The following HAS3 variants were observed in gnomAD, a reference collection of about 807,000 sequenced individuals.
HAS3 encodes hyaluronan synthase 3.
In HAS3, 27 loss-of-function variants were observed where a neutral mutation model predicts 50.3. The ratio of observed to expected loss-of-function variants is 0.54; its 90% CI spans 0.40 to 0.74. The LOEUF (loss-of-function observed/expected upper bound fraction) is 0.74, where lower values mean the gene tolerates loss of function less well. Ranked by LOEUF, HAS3 falls within the 30% of genes least tolerant of loss-of-function variation. The pLI is 0.00. For synonymous variants in HAS3, 339 were observed against 310.9 expected (o/e 1.09, Z -0.95); for missense variants, 517 against 742.8 (o/e 0.70, Z 3.53).
chr16:69,084,316 G>T, the HAS3 span: 1 of 152,342 alleles, frequency 6.6e-6, no homozygotes, highest in African/African-American at 2.4e-5. Flanking sequence ...GACTCTTCCA[G>T]AGAAGAAGGG....
upstream of HAS3, among the ~76,000 whole-genome samples, chr16:69,104,336 G>A (rs183885228): frequency 9.8e-5 from 14 of 142,442 alleles, no homozygotes; most frequent in Admixed American, 9.7e-4. Context: ...TCACTCTGTC[G>A]CCCAGGCTGG....
the HAS3 span, among the ~76,000 whole-genome samples, chr16:69,097,159 A>G: frequency 1.3e-5 from 2 of 151,632 alleles, no homozygotes; most frequent in Non-Finnish European, 2.9e-5. Flanking sequence ...AAAAAAAAAG[A>G]ATTATGGTTG....
rs887060451 is a variant in HAS3, at chr16:69,116,850, G to A, written c.*1584G>A. 5 of 985,418 alleles carry A rather than the reference G, an allele frequency of 5.1e-6. No individual in the cohort carries two copies. Among genetic ancestry groups the A allele is most frequent in the Non-Finnish European group, 6.0e-6 (5 of 829,950 alleles). The allele number at this position is 985,418 out of a possible 1,614,324, so 61.0% of individuals were successfully genotyped here. A position where few individuals can be genotyped will look rare whatever the true frequency, so the allele number is the denominator to read the frequency against. The stretch of plus-strand genomic sequence containing the variant: ...CCCTCCAAATGTCCTTTCTCAGAGG[G>A]GCCAGCTAACCCGTGCAGAACCAGC... On this transcript the variant is annotated 3_prime_UTR_variant, in exon 4 of 4. Transcript: ENST00000569188.
downstream of HAS3, chr16:69,118,121 T>TCCCCCCCCCC: frequency 4.3e-6 from 2 of 462,570 alleles, no homozygotes; most frequent in Non-Finnish European, 3.9e-6. Context: ...CTTCCCTTCA[T>TCCCCCCCCCC]CCCCCACCCC....
At chr16:69,083,559 C>T in the HAS3 span, 3 of 1,610,804 alleles carry the variant, frequency 1.9e-6, no homozygotes, top group Admixed American at 5.0e-5. Context: ...ATGACGTGGC[C>T]AAGCTCCATG....
At chr16:69,105,028 G>A (rs1017165733), upstream of HAS3, among the ~76,000 whole-genome samples, 2 of 68,336 alleles carry the variant, frequency 2.9e-5, no homozygotes, top group East Asian at 9.3e-4. Context: ...TTTTTTTGGA[G>A]ACGGAGTCTC....
At chr16:69,104,051 G>T (rs114257005), upstream of HAS3, among the ~76,000 whole-genome samples, 133 of 152,236 alleles carry the variant, frequency 8.7e-4, no homozygotes, top group African/African-American at 3.1e-3. Flanking sequence ...ATGCCTATAG[G>T]ACTAGCTCCT....
chr16:69,085,340 C>G, the HAS3 span, among the ~76,000 whole-genome samples: 2 of 152,186 alleles, frequency 1.3e-5, no homozygotes, highest in African/African-American at 4.8e-5. Context: ...CCAAAATCCT[C>G]GAGTGCCTCA....
the HAS3 span, among the ~76,000 whole-genome samples, chr16:69,095,755 G>C: frequency 1.3e-5 from 2 of 152,066 alleles, no homozygotes; most frequent in Non-Finnish European, 1.5e-5. Flanking sequence ...ACATATTTTG[G>C]CAGGGGGTCC....
At position 69,115,269 on chromosome 16, in the gene HAS3, T is replaced by C. The variant is rs1417973031; in HGVS notation, c.*3T>C. The C allele has an allele frequency of 2.0e-6, 3 of 1,514,666 alleles. No individual in the cohort carries two copies. Among genetic ancestry groups the C allele is most frequent in the African/African-American group, 1.4e-5 (1 of 71,602 alleles). 93.8% of individuals were successfully genotyped at this position (1,514,666 alleles called of 1,614,324 possible). A position where few individuals can be genotyped will look rare whatever the true frequency, so the allele number is the denominator to read the frequency against. On this transcript the variant is annotated 3_prime_UTR_variant, in exon 4 of 4. Coordinates refer to ENST00000569188, the MANE Select transcript of HAS3 (RefSeq NM_001199280.2). Reference sequence around the variant, plus strand: ...GCTTGGCTTTTGCTGAGGTGTGACATGGCCCCCAAGCAGAGCGGGTAAAGT... The same window carrying C: ...GCTTGGCTTTTGCTGAGGTGTGACACGGCCCCCAAGCAGAGCGGGTAAAGT...
At chr16:69,087,934 C>T in the HAS3 span, among the ~76,000 whole-genome samples, 3 of 149,854 alleles carry the variant, frequency 2.0e-5, no homozygotes, top group African/African-American at 7.4e-5. Context: ...CAACTCCTGA[C>T]CTCAGGTGTT....
At chr16:69,092,459 G>A in the HAS3 span, among the ~76,000 whole-genome samples, 2 of 151,882 alleles carry the variant, frequency 1.3e-5, no homozygotes, top group African/African-American at 4.8e-5. Flanking sequence ...AAAAATTAGC[G>A]AGGTGTGGTG....
rs1452391099 is a variant in HAS3, at chr16:69,114,639, T to A, written c.1035T>A (p.Thr345=). The A allele has an allele frequency of 6.2e-7, 1 of 1,613,932 alleles. No homozygotes were observed. Among genetic ancestry groups the A allele is most frequent in the East Asian group, 2.2e-5 (1 of 44,860 alleles). ...CCAAGTGCCTCACAGAGACCCCCAC[T>A]AAGTACCTCCGGTGGCTCAACCAGC... ...ARSKCLTETP[T]KYLRWLNQQT... The change falls in exon 4 of 4, where the codon ACT becomes ACA. Residue 345 remains threonine (T), a synonymous_variant. Coordinates refer to ENST00000569188, the MANE Select transcript of HAS3 (RefSeq NM_001199280.2). The surrounding 1 kb of genome is among the most constrained non-coding windows in gnomAD (Gnocchi z 6.4).
the HAS3 span, among the ~76,000 whole-genome samples, chr16:69,093,386 A>AT: frequency 3.2e-3 from 483 of 149,188 alleles, 4 homozygotes; most frequent in African/African-American, 0.012. Context: ...TACTTTTTGT[A>AT]TTTTTTAGTA....
chr16:69,090,879 A>G, the HAS3 span, among the ~76,000 whole-genome samples: 1 of 152,132 alleles, frequency 6.6e-6, no homozygotes. Context: ...AGCACGATAC[A>G]TATTAATTCC....
Position 69,116,347 on chromosome 16 carries a change from G to A in HAS3, c.*1081G>A, listed in dbSNP as rs1597101048. ...GCAAGCGTGTTCTCAGCACATATGGGAACTATGAGGAGCCTCTGATCAAAT... is the reference window on the plus strand; with the variant it reads ...GCAAGCGTGTTCTCAGCACATATGGAAACTATGAGGAGCCTCTGATCAAAT... On this transcript the variant is annotated 3_prime_UTR_variant, in exon 4 of 4. Coordinates refer to ENST00000569188, the MANE Select transcript of HAS3 (RefSeq NM_001199280.2). The A allele has an allele frequency of 1.0e-6, 1 of 985,732 alleles. No individual in the cohort carries two copies. The highest frequency in any genetic ancestry group is 6.1e-5 in the Admixed American group (1 of 16,264). 61.1% of individuals were successfully genotyped at this position (985,732 alleles called of 1,614,324 possible). A position where few individuals can be genotyped will look rare whatever the true frequency, so the allele number is the denominator to read the frequency against.
rs1349900076 is a variant in HAS3 at position 69,109,975 on chromosome 16, C to T, written c.580C>T (p.Arg194Cys). 1.2e-6 allele frequency: 2 copies of T among 1,613,896 alleles called. No individual in the cohort carries two copies. Among genetic ancestry groups the T allele is most frequent in the African/African-American group, 2.7e-5 (2 of 75,058 alleles). ...SCIMQKWGGK[R>C]EVMYTAFKAL... ...CATCATGCAGAAGTGGGGAGGCAAG[C>T]GCGAGGTCATGTACACGGCCTTCAA... Residue 194 changes from arginine to cysteine, a missense_variant, in exon 2 of 4, where the codon CGC becomes TGC. Physicochemically the swap from Arg to Cys is radical, Grantham distance 180. Coordinates refer to ENST00000569188, the MANE Select transcript of HAS3 (RefSeq NM_001199280.2). The surrounding 1 kb of genome is among the most constrained non-coding windows in gnomAD (Gnocchi z 5.3).
the HAS3 span, chr16:69,083,772 C>A: frequency 2.8e-5 from 36 of 1,281,898 alleles, no homozygotes; most frequent in Non-Finnish European, 3.7e-5. Context: ...GCATGGCTGA[C>A]CCTCGGGGTG....
At position 69,116,036 on chromosome 16, in the gene HAS3, G is replaced by C; in HGVS notation, c.*770G>C. On this transcript the variant is annotated 3_prime_UTR_variant, in exon 4 of 4. Coordinates refer to ENST00000569188, the MANE Select transcript of HAS3 (RefSeq NM_001199280.2). The stretch of plus-strand genomic sequence containing the variant: ...CTGGAAACTGCTCAGACGTCTAGAT[G>C]GGTTCTTAGCTTGTCTGTGATCTCT... The C allele has an allele frequency of 5.1e-6, 5 of 985,748 alleles. No individual in the cohort carries two copies. Among genetic ancestry groups the C allele is most frequent in the African/African-American group, 1.7e-5 (1 of 57,380 alleles). The allele number at this position is 985,748 out of a possible 1,614,324, so 61.1% of individuals were successfully genotyped here. A position where few individuals can be genotyped will look rare whatever the true frequency, so the allele number is the denominator to read the frequency against.
Sources: allele counts gnomAD v4.1 joint callset (sites outside exome capture counted in the v4.1 genomes callset), GRCh38; gene constraint gnomAD v4.1.1; non-coding constraint Gnocchi (gnomAD v3.1); transcripts MANE v1.5; gene names NCBI Gene and HGNC (gene_info 2026-07-23, HGNC 2026-07-21).